ELMO1: variants seen among roughly 807,000 people sequenced by gnomAD.
ELMO1 encodes the protein engulfment and cell motility 1.
In ELMO1, 26 loss-of-function variants were observed where a neutral mutation model predicts 98.9. The observed-to-expected ratio is 0.26, with a 90% CI of 0.19 to 0.36. The LOEUF (loss-of-function observed/expected upper bound fraction) is 0.36, where lower values mean the gene tolerates loss of function less well. Among genes scored for constraint, ELMO1 ranks in the 10% least tolerant of loss-of-function variants. ELMO1 has a pLI of 1.00. For missense variants in ELMO1, 627 were observed against 935.2 expected, an observed-to-expected ratio of 0.67 and a Z score of 4.30; for synonymous variants, 346 against 346.0, an observed-to-expected ratio of 1.00 and a Z score of 0.00.
chr7:37,200,212 TAC>T (rs1381469714), intron 13 of ELMO1, among the ~76,000 whole-genome samples: 2 of 151,400 alleles, frequency 1.3e-5, no homozygotes, highest in African/African-American at 4.9e-5. Flanking sequence ...CAGCTGGGAC[TAC>T]AGACGCATGC....
chr7:36,907,411 T>C (rs1784041754), intron 16 of ELMO1, among the ~76,000 whole-genome samples: 2 of 152,148 alleles, frequency 1.3e-5, no homozygotes. Flanking sequence ...AGTAAAGTAA[T>C]TGCAAGCCAT....
At chr7:37,185,580 T>C (rs1791150361) in intron 13 of ELMO1, among the ~76,000 whole-genome samples, 1 of 152,146 alleles carries the variant, frequency 6.6e-6, no homozygotes, top group South Asian at 2.1e-4. Context: ...ATATATAACG[T>C]GGAAGGACCA....
chr7:37,213,283 A>G (rs928223461), intron 12 of ELMO1, 52 bp downstream of exon 12: 3 of 1,582,678 alleles, frequency 1.9e-6, no homozygotes, highest in African/African-American at 2.7e-5. Flanking sequence ...AAGACTTTTA[A>G]TGACACTTTC....
chr7:37,118,188 C>T (rs185086070), intron 14 of ELMO1, among the ~76,000 whole-genome samples: 10 of 152,240 alleles, frequency 6.6e-5, no homozygotes, highest in Non-Finnish European at 1.0e-4. Context: ...GTCTTGGCGT[C>T]GCCTCCACCA....
chr7:37,435,868 G>T (rs139070657), intron 1 of ELMO1, among the ~76,000 whole-genome samples: 1 of 152,106 alleles, frequency 6.6e-6, no homozygotes, highest in African/African-American at 2.4e-5. Context: ...CTGCCCCGAC[G>T]GTGCTCTTTT....
intron 14 of ELMO1, 94 bp downstream of exon 14, chr7:37,133,036 T>C (rs1379879938): frequency 1.3e-6 from 1 of 761,250 alleles, no homozygotes; most frequent in Non-Finnish European, 1.9e-6. Context: ...AAATATGGGG[T>C]CACTCATCTA....
chr7:37,018,800 A>G (rs1794105053), intron 15 of ELMO1, among the ~76,000 whole-genome samples: 2 of 151,904 alleles, frequency 1.3e-5, no homozygotes, highest in African/African-American at 2.4e-5. Context: ...AATCAAGTAC[A>G]TGGCATAGGC....
Position 37,118,834 on chromosome 7 carries a change from A to G in ELMO1, c.1191+14296T>C, listed in dbSNP as rs544552428. Among the ~76,000 whole-genome samples the G allele has an allele frequency of 4.9e-4, 75 of 152,178 alleles. 1 individual carries two copies. Among genetic ancestry groups the G allele is most frequent in the African/African-American group, 1.8e-3 (75 of 41,502 alleles). On this transcript the variant is annotated intron_variant, in intron 14 of 21. Coordinates refer to ENST00000310758, the MANE Select transcript of ELMO1 (RefSeq NM_014800.11). ...TGTAAGCCCTGAAAAAAGGCAATCA[A>G]ATTCTCTTCTTTTTAATAACACTGG...
intron 19 of ELMO1, among the ~76,000 whole-genome samples, chr7:36,872,588 C>G (rs1021060560): frequency 6.6e-6 from 1 of 152,156 alleles, no homozygotes; most frequent in Non-Finnish European, 1.5e-5. Context: ...CCCTATGATT[C>G]CTGAACCTAC....
intron 16 of ELMO1, among the ~76,000 whole-genome samples, chr7:36,911,555 A>AAG (rs1784344476): frequency 6.6e-6 from 1 of 152,224 alleles, no homozygotes; most frequent in African/African-American, 2.4e-5. Context: ...GATTAGGAAG[A>AAG]AGATAAGCTC....
intron 1 of ELMO1, among the ~76,000 whole-genome samples, chr7:37,412,511 C>T (rs1583711867): frequency 6.6e-6 from 1 of 152,288 alleles, no homozygotes; most frequent in East Asian, 1.9e-4. Flanking sequence ...CTACAGTGTG[C>T]CAACTACTGT....
intron 1 of ELMO1, among the ~76,000 whole-genome samples, chr7:37,355,858 G>T (rs775811218): frequency 1.3e-5 from 2 of 152,158 alleles, no homozygotes; most frequent in Non-Finnish European, 2.9e-5. Context: ...GGCTCACAGG[G>T]GAGCTTCTGC....
At chr7:37,292,260 C>T (rs1246373764) in intron 4 of ELMO1, among the ~76,000 whole-genome samples, 3 of 91,356 alleles carry the variant, frequency 3.3e-5, no homozygotes. Flanking sequence ...CTCAATGGTG[C>T]CCAGGCTGGA....
chr7:37,165,280 A>C (rs887702111), intron 13 of ELMO1, among the ~76,000 whole-genome samples: 1 of 152,130 alleles, frequency 6.6e-6, no homozygotes, highest in Non-Finnish European at 1.5e-5. Context: ...TGTCATCTGC[A>C]AACAGGGACA....
At chr7:37,175,019 G>T (rs145495118) in intron 13 of ELMO1, among the ~76,000 whole-genome samples, 50 of 152,184 alleles carry the variant, frequency 3.3e-4, no homozygotes, top group African/African-American at 1.2e-3. Flanking sequence ...AATCAATGGC[G>T]AAGTGGGACC....
At chr7:37,351,186 G>A (rs1172869667) in intron 1 of ELMO1, 3 of 152,208 alleles carry the variant, frequency 2.0e-5, no homozygotes, top group African/African-American at 2.4e-5. Context: ...GAACAATACA[G>A]AGAAGATTAG....
intron 16 of ELMO1, among the ~76,000 whole-genome samples, chr7:37,003,071 A>T (rs1460211233): frequency 1.3e-5 from 2 of 152,220 alleles, no homozygotes; most frequent in Non-Finnish European, 2.9e-5. Flanking sequence ...TGGCCTGATC[A>T]TCTATTATTT....
intron 13 of ELMO1, among the ~76,000 whole-genome samples, chr7:37,171,433 C>T (rs993904079): frequency 6.9e-6 from 1 of 145,124 alleles, no homozygotes; most frequent in Non-Finnish European, 1.5e-5. Flanking sequence ...GGTAAACTTG[C>T]TATTAGCTAA....
chr7:37,050,020 T>C (rs1796018451), intron 15 of ELMO1, among the ~76,000 whole-genome samples: 1 of 152,106 alleles, frequency 6.6e-6, no homozygotes, highest in Non-Finnish European at 1.5e-5. Flanking sequence ...CCTCAGGTGA[T>C]CTGCCCACTT....
Sources: allele counts gnomAD v4.1 joint callset (sites outside exome capture counted in the v4.1 genomes callset), GRCh38; gene constraint gnomAD v4.1.1; transcripts MANE v1.5; gene names NCBI Gene and HGNC (gene_info 2026-07-23, HGNC 2026-07-21).